NRCAM: variants seen among roughly 807,000 people sequenced by gnomAD.
The protein encoded by NRCAM is neuronal cell adhesion molecule.
A neutral mutation model predicts 156.5 loss-of-function variants in NRCAM; 83 were observed. The observed-to-expected ratio is 0.53, with a 90% CI of 0.44 to 0.64. The LOEUF (loss-of-function observed/expected upper bound fraction) is 0.64, where lower values mean the gene tolerates loss of function less well. Ranked by LOEUF, NRCAM falls within the 30% of genes least tolerant of loss-of-function variation. NRCAM has a pLI of 0.00. For synonymous variants in NRCAM, 538 were observed against 563.9 expected (o/e 0.95, Z 0.65); for missense variants, 1,417 against 1,597.3 (o/e 0.89, Z 1.92).
intron 2 of NRCAM, among the ~76,000 whole-genome samples, chr7:108,384,197 T>C (rs2099724386): frequency 6.6e-6 from 1 of 152,020 alleles, no homozygotes; most frequent in Non-Finnish European, 1.5e-5. Context: ...CCCAAAGACA[T>C]GTGTTTACCT....
intron 3 of NRCAM, among the ~76,000 whole-genome samples, chr7:108,310,377 C>T (rs1548949): frequency 0.89 from 134,884 of 151,912 alleles, 59,995 homozygotes; most frequent in East Asian, 1. Flanking sequence ...AGGTAGAAGA[C>T]AGATTTCCCA....
intron 3 of NRCAM, among the ~76,000 whole-genome samples, chr7:108,294,771 C>T (rs1346703332): frequency 6.6e-6 from 1 of 152,142 alleles, no homozygotes; most frequent in Non-Finnish European, 1.5e-5. Context: ...GAAGCAGCCC[C>T]TTGTCTAGCT....
At position 108,148,718 on chromosome 7, in the gene NRCAM, T is replaced by A. The variant is rs2039914903; in HGVS notation, c.*1192A>T. 1 of 152,658 alleles carries A rather than the reference T, an allele frequency of 6.6e-6. No individual in the cohort carries two copies. Among genetic ancestry groups the A allele is most frequent in the African/African-American group, 2.4e-5 (1 of 41,466 alleles). 9.5% of individuals were successfully genotyped at this position (152,658 alleles called of 1,614,324 possible). ...GGTAAAGTCTTGGAGAATAATATAT[T>A]ACTGTTGGCATGCTGTTGTATGCTT... On this transcript the variant is annotated 3_prime_UTR_variant, in exon 33 of 33. Transcript: ENST00000379028.
Position 108,148,361 on chromosome 7 carries a change from G to A in NRCAM, c.*1549C>T, listed in dbSNP as rs1294031412. ...TAAGCATATAGCATCTACATTTTAA[G>A]TGTATTTACAAATTCAACAAAATAT... On this transcript the variant is annotated 3_prime_UTR_variant, in exon 33 of 33. Coordinates refer to ENST00000379028, the MANE Select transcript of NRCAM (RefSeq NM_001037132.4). The A allele has an allele frequency of 2.6e-5, 4 of 152,570 alleles. 1 individual carries two copies. The highest frequency in any genetic ancestry group is 3.8e-4 in the East Asian group (2 of 5,200). 9.5% of individuals were successfully genotyped at this position (152,570 alleles called of 1,614,324 possible).
chr7:108,373,081 A>C (rs2099639449), intron 2 of NRCAM, among the ~76,000 whole-genome samples: 1 of 152,174 alleles, frequency 6.6e-6, no homozygotes, highest in African/African-American at 2.4e-5. Context: ...ATGCTAAGTT[A>C]AATAAGCTAG....
At chr7:108,325,554 T>C (rs1420928580) in intron 2 of NRCAM, among the ~76,000 whole-genome samples, 1 of 152,158 alleles carries the variant, frequency 6.6e-6, no homozygotes, top group African/African-American at 2.4e-5. Context: ...TATGGAGACT[T>C]CTTTGGCTGC....
At chr7:108,333,141 A>C (rs533953341) in intron 2 of NRCAM, among the ~76,000 whole-genome samples, 13 of 152,344 alleles carry the variant, frequency 8.5e-5, no homozygotes, top group Admixed American at 2.6e-4. Flanking sequence ...TAGTTGTAAA[A>C]CAAGGCTTAT....
intron 1 of NRCAM, among the ~76,000 whole-genome samples, chr7:108,433,171 G>A (rs1295176202): frequency 1.3e-5 from 2 of 152,046 alleles, no homozygotes; most frequent in Admixed American, 1.3e-4. Flanking sequence ...CAGCTTGAAG[G>A]TCCAAGCTTT....
intron 20 of NRCAM, among the ~76,000 whole-genome samples, chr7:108,186,707 G>A (rs911810989): frequency 2.0e-5 from 3 of 151,934 alleles, no homozygotes; most frequent in Non-Finnish European, 4.4e-5. Flanking sequence ...ATCTTTATAT[G>A]TATTTATATC....
At chr7:108,358,450 G>A (rs1180335183) in intron 2 of NRCAM, among the ~76,000 whole-genome samples, 1 of 137,582 alleles carries the variant, frequency 7.3e-6, no homozygotes, top group African/African-American at 2.8e-5. Context: ...CACTGTCCCA[G>A]TATTCCTACG....
At chr7:108,378,030 A>C (rs2099683591) in intron 2 of NRCAM, among the ~76,000 whole-genome samples, 1 of 152,226 alleles carries the variant, frequency 6.6e-6, no homozygotes, top group South Asian at 2.1e-4. Context: ...CCCTCATAGC[A>C]GACCTTACAG....
At chr7:108,198,133 C>T (rs1416636802) in intron 13 of NRCAM, 34 bp from the exon 14 acceptor site, 39 of 1,559,178 alleles carry the variant, frequency 2.5e-5, no homozygotes, top group Non-Finnish European at 3.2e-5. Context: ...GTATTTATTC[C>T]TATTTGCTTA....
At chr7:108,250,897 C>T (rs2096303337) in intron 3 of NRCAM, among the ~76,000 whole-genome samples, 1 of 151,846 alleles carries the variant, frequency 6.6e-6, no homozygotes, top group Non-Finnish European at 1.5e-5. Flanking sequence ...TATGAACCCA[C>T]AAAAATTAAA....
rs559304728 is a variant in NRCAM, at chr7:108,198,882, A to G, written c.1208-783T>C. On this transcript the variant is annotated intron_variant, in intron 13 of 32. Transcript: ENST00000379028. ...TAGGAACAGGCTTGATCCTTACTGA[A>G]GTGGAATAGAACTGGCTGGGTAACA... is the stretch of plus-strand genomic sequence containing the variant. 7.2e-5 allele frequency among the ~76,000 whole-genome samples: 11 copies of G among 152,354 alleles called. No homozygotes were observed. In the East Asian group the frequency reaches 1.9e-3, roughly 27 times the overall value.
At chr7:108,151,791 T>C (rs1350890124) in intron 32 of NRCAM, among the ~76,000 whole-genome samples, 3 of 152,304 alleles carry the variant, frequency 2.0e-5, no homozygotes, top group African/African-American at 4.8e-5. Flanking sequence ...TTGTGAAATA[T>C]AGTTCATGTT....
At chr7:108,344,589 C>T (rs940727165) in intron 2 of NRCAM, among the ~76,000 whole-genome samples, 8 of 152,092 alleles carry the variant, frequency 5.3e-5, no homozygotes, top group African/African-American at 1.4e-4. Flanking sequence ...AGTAACAGCA[C>T]GTACTACTCT....
At chr7:108,407,885 G>C (rs1321017165) in intron 1 of NRCAM, among the ~76,000 whole-genome samples, 1 of 152,136 alleles carries the variant, frequency 6.6e-6, no homozygotes, top group Non-Finnish European at 1.5e-5. Context: ...TGTTAAAAAA[G>C]CAAAACTCCA....
chr7:108,409,973 T>C (rs1793327286), intron 1 of NRCAM, among the ~76,000 whole-genome samples: 2 of 152,230 alleles, frequency 1.3e-5, no homozygotes, highest in African/African-American at 2.4e-5. Context: ...AAGCCAAATA[T>C]GTGTCTCACC....
chr7:108,411,322 TA>T (rs1291960572), intron 1 of NRCAM, among the ~76,000 whole-genome samples: 4 of 152,206 alleles, frequency 2.6e-5, no homozygotes, highest in African/African-American at 9.7e-5. Context: ...CCTTCAAATT[TA>T]AATGCATGAA....
Sources: allele counts gnomAD v4.1 joint callset (sites outside exome capture counted in the v4.1 genomes callset), GRCh38; gene constraint gnomAD v4.1.1; transcripts MANE v1.5; gene names NCBI Gene and HGNC (gene_info 2026-07-23, HGNC 2026-07-21).